Variants in UTP6 observed in about 807,000 individuals in gnomAD.
UTP6 encodes the protein U3 small nucleolar RNA-associated protein 6 homolog.
Under a neutral mutation model 96.5 loss-of-function variants are expected in UTP6, and 60 were observed. The observed-to-expected ratio is 0.62, with a 90% confidence interval of 0.51 to 0.77. The LOEUF (loss-of-function observed/expected upper bound fraction) is 0.77. Ranked by LOEUF, UTP6 falls within the 30% of genes least tolerant of loss-of-function variation. The probability of loss-of-function intolerance (pLI) is 0.00; values close to 1 mark genes in which losing one functional copy is unlikely to be tolerated. For missense variants in UTP6, 637 were observed against 706.5 expected, an observed-to-expected ratio of 0.90 and a Z score of 1.12; for synonymous variants, 215 against 240.1, an observed-to-expected ratio of 0.90 and a Z score of 0.96.
chr17:31,873,572 A>G, intron 15 of UTP6, 85 bp from the exon 16 acceptor site: 1 of 1,601,858 alleles, frequency 6.2e-7, no homozygotes, highest in East Asian at 2.2e-5. Flanking sequence ...ACCTGAGGCC[A>G]CTCCATAGTG....
intron 2 of UTP6, 75 bp downstream of exon 2, chr17:31,899,571 G>C: frequency 8.8e-7 from 1 of 1,132,108 alleles, no homozygotes; most frequent in Non-Finnish European, 1.2e-6. Flanking sequence ...CTCCAACCTG[G>C]GTGACAGAGT....
Position 31,899,775 on chromosome 17 carries a change from T to C in UTP6, c.93-45A>G, listed in dbSNP as rs1904865437. 9 of 1,349,744 alleles carry C rather than the reference T, an allele frequency of 6.7e-6. 1 individual carries two copies. In the South Asian group the frequency reaches 1.2e-4, roughly 18 times the overall value. The allele number at this position is 1,349,744 out of a possible 1,614,324, so 83.6% of individuals were successfully genotyped here. On this transcript the variant is annotated intron_variant, in intron 1 of 18. Coordinates refer to ENST00000261708, the MANE Select transcript of UTP6 (RefSeq NM_018428.3). The stretch of plus-strand genomic sequence containing the variant: ...AACTTCACTTGAAAACTGCAAAAAT[T>C]AAACGTTTAAGTTTATTTTGAATAT...
rs1299115631 is a variant in UTP6, at chr17:31,863,516, T to C, written c.1637A>G (p.Asp546Gly). The change falls in exon 19 of 19, where the codon GAT becomes GGT. Residue 546 changes from aspartate (D) to glycine (G), a missense_variant and splice_region_variant. Coordinates refer to ENST00000261708, the MANE Select transcript of UTP6 (RefSeq NM_018428.3). ...ALREFGSADS[D>G]LWMDYMKEEL... ...TTCTTTCATATAATCCATCCAAAGA[T>C]CTTTTAAAAAAAAAACATACAATTA... 1 of 1,593,968 alleles carries C rather than the reference T, an allele frequency of 6.3e-7. No individual in the cohort carries two copies. Among genetic ancestry groups the C allele is most frequent in the African/African-American group, 1.4e-5 (1 of 73,346 alleles).
At chr17:31,896,918 T>G (rs2142326498) in intron 2 of UTP6, among the ~76,000 whole-genome samples, 1 of 152,046 alleles carries the variant, frequency 6.6e-6, no homozygotes, top group African/African-American at 2.4e-5. Flanking sequence ...CTCCAGAAAT[T>G]TGTATTTTGA....
rs565267805 is a variant in UTP6, at chr17:31,884,411, T to C, written c.785+13A>G. The C allele has an allele frequency of 5.6e-6, 9 of 1,594,356 alleles. No homozygotes were observed. In the South Asian group the frequency reaches 9.0e-5, roughly 16 times the overall value. On this transcript the variant is annotated intron_variant, in intron 10 of 18. Transcript: ENST00000261708. ...GAAATAGATATATTCACCTTTCTAC[T>C]AACTTTACTTACTCATCATAAATCT...
chr17:31,889,214 G>A, intron 7 of UTP6, 71 bp downstream of exon 7: 4 of 1,194,798 alleles, frequency 3.3e-6, no homozygotes, highest in East Asian at 2.6e-5. Context: ...TTGAATCCAG[G>A]AAAAAAAAAT....
At position 31,865,363 on chromosome 17, in the gene UTP6, T is replaced by C; in HGVS notation, c.1636+3A>G. 3 of 1,613,892 alleles carry C rather than the reference T, an allele frequency of 1.9e-6. No homozygotes were observed. Among genetic ancestry groups the C allele is most frequent in the Non-Finnish European group, 2.5e-6 (3 of 1,179,786 alleles). On this transcript the variant is annotated splice_donor_region_variant and intron_variant, in intron 18 of 18. Transcript: ENST00000261708. ...ATTGGTCACAAATTAAGGGTTTACT[T>C]ACCAGAATCTGCGGATCCAAACTCT...
chr17:31,895,128 G>A (rs763575437), intron 2 of UTP6, 117 bp from the exon 3 acceptor site: 6 of 748,408 alleles, frequency 8.0e-6, no homozygotes, highest in Non-Finnish European at 1.3e-5. Context: ...AAAAAATAAT[G>A]TGCTATCACA....
chr17:31,869,665 G>A (rs1362951063), intron 16 of UTP6, among the ~76,000 whole-genome samples: 5 of 152,026 alleles, frequency 3.3e-5, no homozygotes, highest in African/African-American at 1.2e-4. Flanking sequence ...GCCATGTATT[G>A]TTTTAATTTC....
chr17:31,887,290 A>T lies in UTP6; in HGVS notation c.567T>A (p.His189Gln). 2 of 1,614,118 alleles carry T rather than the reference A, an allele frequency of 1.2e-6. No individual in the cohort carries two copies. Among genetic ancestry groups the T allele is most frequent in the Non-Finnish European group, 1.7e-6 (2 of 1,179,992 alleles). Reference sequence around the variant, plus strand: ...CCTTCTCCTTCCTCAGTTTTTCAGCATGCATCAGCTCCATCCTAAAGTACT... The same window carrying T: ...CCTTCTCCTTCCTCAGTTTTTCAGCTTGCATCAGCTCCATCCTAAAGTACT... ...YKEYFRMELM[H>Q]AEKLRKEKEE... The change falls in exon 8 of 19, where the codon CAT becomes CAA. Residue 189 changes from histidine to glutamine, a missense_variant. His to Gln is a conservative substitution (Grantham distance 24). Coordinates refer to ENST00000261708, the MANE Select transcript of UTP6 (RefSeq NM_018428.3).
chr17:31,876,247 G>A (rs1235785964), intron 13 of UTP6, among the ~76,000 whole-genome samples: 6 of 151,766 alleles, frequency 4.0e-5, no homozygotes, highest in Non-Finnish European at 2.9e-5. Context: ...ATGTTGGCCA[G>A]GCTGGTCTTA....
intron 16 of UTP6, among the ~76,000 whole-genome samples, chr17:31,868,326 T>G (rs1025734809): frequency 9.7e-5 from 1 of 10,264 alleles, no homozygotes; most frequent in Admixed American, 9.5e-4. Flanking sequence ...AGTTTTTTGG[T>G]TTTTTTTTTT....
rs1186617695 is a variant in UTP6, at chr17:31,861,607, C to T, written c.*1752G>A. On this transcript the variant is annotated 3_prime_UTR_variant, in exon 19 of 19. Transcript: ENST00000261708. ...TCTAGCCTAGGTGACAAAGCAAGAA[C>T]TTGTCCAATTTAAAAAAAAAAATTA... The T allele has an allele frequency of 6.6e-6, 1 of 151,322 alleles. No individual in the cohort carries two copies. Among genetic ancestry groups the T allele is most frequent in the Non-Finnish European group, 1.5e-5 (1 of 67,906 alleles). 9.4% of individuals were successfully genotyped at this position (151,322 alleles called of 1,614,324 possible).
intron 13 of UTP6, among the ~76,000 whole-genome samples, chr17:31,877,452 G>C (rs1224527306): frequency 6.6e-6 from 1 of 152,142 alleles, no homozygotes; most frequent in African/African-American, 2.4e-5. Flanking sequence ...CAGTCTAAGA[G>C]ACAAAACGGT....
At chr17:31,883,812 G>A (rs1276571095) in intron 10 of UTP6, among the ~76,000 whole-genome samples, 1 of 151,586 alleles carries the variant, frequency 6.6e-6, no homozygotes, top group African/African-American at 2.4e-5. Context: ...GAGTAGGTAG[G>A]ACCACAGGCA....
At chr17:31,897,218 C>T (rs1598121467) in intron 2 of UTP6, among the ~76,000 whole-genome samples, 3 of 151,682 alleles carry the variant, frequency 2.0e-5, no homozygotes, top group South Asian at 4.2e-4. Context: ...CCTAGAAGTT[C>T]GAGGCTGCAA....
In UTP6 at chr17:31,861,310, T is replaced by C. The variant is rs1324199245; in HGVS notation, c.*2049A>G. ...AATGAGAAACAAGATATTAATATTC[T>C]GAATATGTTTTTAAAAACTCTGGCC... On this transcript the variant is annotated 3_prime_UTR_variant, in exon 19 of 19. Coordinates refer to ENST00000261708, the MANE Select transcript of UTP6 (RefSeq NM_018428.3). 6.6e-6 allele frequency: 1 copy of C among 152,208 alleles called. No homozygotes were observed. Among genetic ancestry groups the C allele is most frequent in the South Asian group, 2.1e-4 (1 of 4,826 alleles). The allele number at this position is 152,208 out of a possible 1,614,324, so 9.4% of individuals were successfully genotyped here.
rs528572646 is a variant in UTP6, at chr17:31,883,686, T to A, written c.785+738A>T. ...TCAAAGAACTCAATCAGGAAGATAC[T>A]TTTTTTCTGAGACACGGTCTCACTC... is the stretch of plus-strand genomic sequence containing the variant. On this transcript the variant is annotated intron_variant, in intron 10 of 18. Coordinates refer to ENST00000261708, the MANE Select transcript of UTP6 (RefSeq NM_018428.3). 2.3e-4 allele frequency among the ~76,000 whole-genome samples: 35 copies of A among 151,886 alleles called. 1 individual carries two copies. In the South Asian group the frequency reaches 7.3e-3, roughly 32 times the overall value.
chr17:31,880,349 A>C (rs1186452276), intron 11 of UTP6: 4 of 474,854 alleles, frequency 8.4e-6, no homozygotes, highest in Non-Finnish European at 1.5e-5. Flanking sequence ...TGAACCCGGG[A>C]GGTGGAGGTT....
Sources: allele counts gnomAD v4.1 joint callset (sites outside exome capture counted in the v4.1 genomes callset), GRCh38; gene constraint gnomAD v4.1.1; transcripts MANE v1.5; gene names NCBI Gene and HGNC (gene_info 2026-07-23, HGNC 2026-07-21).